Variants in SUGT1 observed in about 807,000 individuals in gnomAD.
The protein encoded by SUGT1 is protein SGT1 homolog.
In SUGT1, 15 loss-of-function variants were observed where a neutral mutation model predicts 56.1. The observed-to-expected ratio is 0.27, with a 90% CI of 0.18 to 0.41. The LOEUF (loss-of-function observed/expected upper bound fraction) is 0.41. Among genes scored for constraint, SUGT1 ranks in the 10% least tolerant of loss-of-function variants. SUGT1 has a pLI of 1.00. For synonymous variants in SUGT1, 123 were observed against 128.6 expected (o/e 0.96, Z 0.30); for missense variants, 347 against 382.2 (o/e 0.91, Z 0.77).
chr13:52,694,571 CAG>C lies in SUGT1; in HGVS notation c.*6738_*6739del, dbSNP rs1379878807. 3 of 152,180 alleles carry C rather than the reference CAG, an allele frequency of 2.0e-5. No individual in the cohort carries two copies. Among genetic ancestry groups the C allele is most frequent in the Admixed American group, 2.0e-4 (3 of 15,280 alleles). 9.4% of individuals were successfully genotyped at this position (152,180 alleles called of 1,614,324 possible). ...TTCATTTCAATTTCAAAGCTCAAAA[CAG>C]AAGGTAAAACTATTAGGATTTGTGA... On this transcript the variant is annotated 3_prime_UTR_variant, in exon 13 of 13. Transcript: ENST00000310528.
chr13:52,656,948 CTTGG>C (rs1962194860), intron 2 of SUGT1, among the ~76,000 whole-genome samples: 1 of 152,134 alleles, frequency 6.6e-6, no homozygotes. Flanking sequence ...AATGTTAACT[CTTGG>C]TAGTTGACAT....
rs1237490576 is a variant in SUGT1 at position 52,695,336 on chromosome 13, G to A, written c.*7501G>A. On this transcript the variant is annotated 3_prime_UTR_variant, in exon 13 of 13. Transcript: ENST00000310528. ...ATTATACTTCACCACAGAGACAGGTGTTGTTTTGTAATGGAAGGAGTAGTA... is the reference window on the plus strand; with the variant it reads ...ATTATACTTCACCACAGAGACAGGTATTGTTTTGTAATGGAAGGAGTAGTA... 1 of 152,100 alleles carries A rather than the reference G, an allele frequency of 6.6e-6. No homozygotes were observed. The highest frequency in any genetic ancestry group is 1.5e-5 in the Non-Finnish European group (1 of 68,014). 9.4% of individuals were successfully genotyped at this position (152,100 alleles called of 1,614,324 possible).
chr13:52,688,506 T>C lies in SUGT1; in HGVS notation c.*671T>C, dbSNP rs958733022. 6.6e-6 allele frequency: 1 copy of C among 152,192 alleles called. No individual in the cohort carries two copies. The highest frequency in any genetic ancestry group is 1.5e-5 in the Non-Finnish European group (1 of 68,014). The allele number at this position is 152,192 out of a possible 1,614,324, so 9.4% of individuals were successfully genotyped here. ...TTATACTAAGGATAATCTGTGAAGG[T>C]AGGGCAAAGAAGGTTCTAGGAAAGC... is the stretch of plus-strand genomic sequence containing the variant. On this transcript the variant is annotated 3_prime_UTR_variant, in exon 13 of 13. Coordinates refer to ENST00000310528, the MANE Select transcript of SUGT1 (RefSeq NM_006704.5).
chr13:52,655,448 A>T (rs967673798), intron 2 of SUGT1, among the ~76,000 whole-genome samples: 5 of 152,250 alleles, frequency 3.3e-5, no homozygotes, highest in African/African-American at 1.2e-4. Context: ...TACAAAACCT[A>T]CTTTAAAAGC....
rs1216861615 is a variant in SUGT1 at position 52,689,515 on chromosome 13, A to G, written c.*1680A>G. The G allele has an allele frequency of 6.6e-6, 1 of 152,224 alleles. No homozygotes were observed. Among genetic ancestry groups the G allele is most frequent in the Non-Finnish European group, 1.5e-5 (1 of 68,046 alleles). The allele number at this position is 152,224 out of a possible 1,614,324, so 9.4% of individuals were successfully genotyped here. On this transcript the variant is annotated 3_prime_UTR_variant, in exon 13 of 13. Transcript: ENST00000310528. ...GCTTAGCTCTAGCAAGTCTTCTGTC[A>G]TTGACTACCTTCATAATCTTCAGCA...
rs1963832712 is a variant in SUGT1, at chr13:52,693,302, T to G, written c.*5467T>G. The G allele has an allele frequency of 6.6e-6, 1 of 152,210 alleles. No homozygotes were observed. 9.4% of individuals were successfully genotyped at this position (152,210 alleles called of 1,614,324 possible). On this transcript the variant is annotated 3_prime_UTR_variant, in exon 13 of 13. Transcript: ENST00000310528. ...TGTTTCAGAAACACTGCTATTTACC[T>G]AAAGGTAATTTTCAGTTTCTTTAGA...
intron 9 of SUGT1, among the ~76,000 whole-genome samples, chr13:52,666,460 G>C (rs1478474641): frequency 6.6e-6 from 1 of 152,168 alleles, no homozygotes; most frequent in Non-Finnish European, 1.5e-5. Context: ...GGTAGTGATA[G>C]AACTGTATGT....
chr13:52,666,125 G>A (rs565912291), intron 9 of SUGT1, among the ~76,000 whole-genome samples: 2 of 152,166 alleles, frequency 1.3e-5, no homozygotes, highest in African/African-American at 4.8e-5. Flanking sequence ...TCTCGCTCTT[G>A]CGTAGGCTGG....
Position 52,698,663 on chromosome 13 carries a change from T to C in SUGT1, c.*10828T>C, listed in dbSNP as rs1566210877. The C allele has an allele frequency of 6.6e-6, 1 of 152,632 alleles. No individual in the cohort carries two copies. Among genetic ancestry groups the C allele is most frequent in the Non-Finnish European group, 1.5e-5 (1 of 68,474 alleles). The allele number at this position is 152,632 out of a possible 1,614,324, so 9.5% of individuals were successfully genotyped here. On this transcript the variant is annotated 3_prime_UTR_variant, in exon 13 of 13. Transcript: ENST00000310528. ...TTGCCCGGGCTGCTCTCTTAACTCC[T>C]GGCCTCAAGTAATCCTCTTGCCTTG...
At chr13:52,681,711 T>C (rs1361052235) in intron 12 of SUGT1, among the ~76,000 whole-genome samples, 1 of 152,026 alleles carries the variant, frequency 6.6e-6, no homozygotes, top group Admixed American at 6.6e-5. Flanking sequence ...GGCATGATGT[T>C]GTGCCCCTGT....
intron 12 of SUGT1, among the ~76,000 whole-genome samples, chr13:52,683,096 A>C (rs906837624): frequency 6.6e-6 from 1 of 151,916 alleles, no homozygotes; most frequent in Non-Finnish European, 1.5e-5. Flanking sequence ...TATGCCTTTT[A>C]TCTCCTTTTC....
At position 52,692,945 on chromosome 13, in the gene SUGT1, T is replaced by C. The variant is rs1014847301; in HGVS notation, c.*5110T>C. On this transcript the variant is annotated 3_prime_UTR_variant, in exon 13 of 13. Coordinates refer to ENST00000310528, the MANE Select transcript of SUGT1 (RefSeq NM_006704.5). ...AGACTGGTACATGATGCCAATGAAA[T>C]TCTTTTTTTCCTTTAACTTGGGAGC... is the stretch of plus-strand genomic sequence containing the variant. The C allele has an allele frequency of 6.6e-6, 1 of 152,198 alleles. No individual in the cohort carries two copies. Among genetic ancestry groups the C allele is most frequent in the Admixed American group, 6.5e-5 (1 of 15,282 alleles). The allele number at this position is 152,198 out of a possible 1,614,324, so 9.4% of individuals were successfully genotyped here. A position where few individuals can be genotyped will look rare whatever the true frequency, so the allele number is the denominator to read the frequency against.
chr13:52,687,607 A>G, intron 12 of SUGT1, 127 bp from the exon 13 acceptor site: 1 of 496,688 alleles, frequency 2.0e-6, no homozygotes, highest in South Asian at 4.4e-5. Context: ...TATGTATTGC[A>G]TAGAGTTTAT....
In SUGT1 at chr13:52,698,879, T is replaced by C. The variant is rs1420308237; in HGVS notation, c.*11044T>C. On this transcript the variant is annotated 3_prime_UTR_variant, in exon 13 of 13. Coordinates refer to ENST00000310528, the MANE Select transcript of SUGT1 (RefSeq NM_006704.5). ...CACTTGGGAAGCTTATTTTTAAAAATGTAGACCTTCATTACTTTCCTCCTG... is the reference window on the plus strand; with the variant it reads ...CACTTGGGAAGCTTATTTTTAAAAACGTAGACCTTCATTACTTTCCTCCTG... 2 of 152,212 alleles carry C rather than the reference T, an allele frequency of 1.3e-5. No homozygotes were observed. Among genetic ancestry groups the C allele is most frequent in the African/African-American group, 4.8e-5 (2 of 41,452 alleles). 9.4% of individuals were successfully genotyped at this position (152,212 alleles called of 1,614,324 possible).
intron 10 of SUGT1, among the ~76,000 whole-genome samples, chr13:52,668,030 G>A (rs1962787521): frequency 6.6e-6 from 1 of 151,448 alleles, no homozygotes; most frequent in South Asian, 2.1e-4. Context: ...AGGGTGGAGT[G>A]CAGTGCTGTG....
chr13:52,656,596 C>G (rs1197025056), intron 2 of SUGT1, among the ~76,000 whole-genome samples: 2 of 152,164 alleles, frequency 1.3e-5, no homozygotes, highest in African/African-American at 4.8e-5. Context: ...AAGTGAGGCC[C>G]TTAAAGTAGC....
At position 52,657,575 on chromosome 13, in the gene SUGT1, A is replaced by G; in HGVS notation, c.140A>G (p.Tyr47Cys). Residue 47 changes from tyrosine to cysteine, a missense_variant, in exon 3 of 13, where the codon TAT becomes TGT. Tyr to Cys is a radical substitution (Grantham distance 194). Coordinates refer to ENST00000310528, the MANE Select transcript of SUGT1 (RefSeq NM_006704.5). ...GAACAGAAACCAGATGATGCACAGT[A>G]TTATTGTCAAAGAGCTTATTGTCAC... ...ALEQKPDDAQ[Y>C]YCQRAYCHIL... 1 of 1,613,756 alleles carries G rather than the reference A, an allele frequency of 6.2e-7. No homozygotes were observed. The highest frequency in any genetic ancestry group is 8.5e-7 in the Non-Finnish European group (1 of 1,179,790).
chr13:52,680,757 T>G (rs1963339769), intron 12 of SUGT1, among the ~76,000 whole-genome samples: 1 of 152,168 alleles, frequency 6.6e-6, no homozygotes, highest in Non-Finnish European at 1.5e-5. Context: ...AAATTAGTAT[T>G]TTAATTTAAT....
chr13:52,671,657 A>G (rs1363589422), intron 10 of SUGT1, among the ~76,000 whole-genome samples: 3 of 152,144 alleles, frequency 2.0e-5, no homozygotes, highest in African/African-American at 7.2e-5. Flanking sequence ...TTCTGTTGTT[A>G]TTTGCCAGAC....
Sources: gnomAD v4.1 joint callset for allele counts (sites outside exome capture counted in the v4.1 genomes callset) on GRCh38, gnomAD v4.1.1 for gene constraint, MANE v1.5 for transcripts, NCBI Gene and HGNC (gene_info 2026-07-23, HGNC 2026-07-21) for gene names.